Variants in BMP7 observed in about 807,000 individuals in gnomAD.
The protein encoded by BMP7 is bone morphogenetic protein 7.
A neutral mutation model predicts 41.2 loss-of-function variants in BMP7; 12 were observed. The observed-to-expected ratio is 0.29, with a 90% CI of 0.19 to 0.47. The LOEUF (loss-of-function observed/expected upper bound fraction) is 0.47, where lower values mean the gene tolerates loss of function less well. Among genes scored for constraint, BMP7 ranks in the 20% least tolerant of loss-of-function variants. BMP7 has a pLI of 0.99. For missense variants in BMP7, 467 were observed against 606.0 expected, an observed-to-expected ratio of 0.77 and a Z score of 2.41; for synonymous variants, 248 against 250.0, an observed-to-expected ratio of 0.99 and a Z score of 0.07.
At chr20:57,233,482 T>C (rs113856080) in intron 1 of BMP7, among the ~76,000 whole-genome samples, 143 of 152,272 alleles carry the variant, frequency 9.4e-4, no homozygotes, top group Non-Finnish European at 1.7e-3. Flanking sequence ...GAGGGGAAAT[T>C]CTGGGCTGGA....
At chr20:57,244,552 C>T (rs1212070241) in intron 1 of BMP7, among the ~76,000 whole-genome samples, 3 of 152,246 alleles carry the variant, frequency 2.0e-5, no homozygotes, top group African/African-American at 4.8e-5. Context: ...CACACGCAGG[C>T]TCTGCCAATC....
rs1317323734 is a variant in BMP7, at chr20:57,169,809, T to C, written c.*1150A>G. The C allele has an allele frequency of 1.3e-5, 2 of 151,930 alleles. No individual in the cohort carries two copies. Among genetic ancestry groups the C allele is most frequent in the African/African-American group, 4.8e-5 (2 of 41,308 alleles). The allele number at this position is 151,930 out of a possible 1,614,324, so 9.4% of individuals were successfully genotyped here. ...TCTTGTTTTGTCACCCAAGCTGGAG[T>C]GCAGTGGGACGATCTTGGCTCACTG... On this transcript the variant is annotated 3_prime_UTR_variant, in exon 7 of 7. Transcript: ENST00000395863.
intron 3 of BMP7, among the ~76,000 whole-genome samples, chr20:57,185,506 GA>G (rs1184018134): frequency 6.6e-6 from 1 of 152,264 alleles, no homozygotes; most frequent in Non-Finnish European, 1.5e-5. Flanking sequence ...CCAAGGTAGG[GA>G]AACTGAGGCA....
rs1040880106 is a variant in BMP7 at position 57,213,851 on chromosome 20, G to A, written c.612-11228C>T. ...CTCTGTCCATCAGGTTCTTTTGTTT[G>A]TAAAATGGAGGTAGCCATGAGGATT... On this transcript the variant is annotated intron_variant, in intron 2 of 6. Transcript: ENST00000395863. This position sits in a 1 kb window ranked among gnomAD's most constrained non-coding sequence, Gnocchi z 4.4. Among the ~76,000 whole-genome samples, 2 of 152,174 alleles carry A rather than the reference G, an allele frequency of 1.3e-5. No homozygotes were observed. Among genetic ancestry groups the A allele is most frequent in the Admixed American group, 6.5e-5 (1 of 15,274 alleles).
rs147500048 is a variant in BMP7, at chr20:57,169,240, G to C, written c.*1719C>G. ...GCCCCGGTGTTTCCAGGAACTGTCT[G>C]AGTCAAGATGGAGAAACAGTCCCCC... is the stretch of plus-strand genomic sequence containing the variant. On this transcript the variant is annotated 3_prime_UTR_variant, in exon 7 of 7. Coordinates refer to ENST00000395863, the MANE Select transcript of BMP7 (RefSeq NM_001719.3). The C allele has an allele frequency of 4.6e-5, 7 of 152,250 alleles. No individual in the cohort carries two copies. Among genetic ancestry groups the C allele is most frequent in the African/African-American group, 1.7e-4 (7 of 41,464 alleles). 9.4% of individuals were successfully genotyped at this position (152,250 alleles called of 1,614,324 possible). A position where few individuals can be genotyped will look rare whatever the true frequency, so the allele number is the denominator to read the frequency against.
chr20:57,203,295 T>G (rs1222334358), intron 2 of BMP7, among the ~76,000 whole-genome samples: 1 of 152,200 alleles, frequency 6.6e-6, no homozygotes, highest in African/African-American at 2.4e-5. Flanking sequence ...TCTTCCTTAC[T>G]TTTTACAGTA....
Position 57,265,779 on chromosome 20 carries a change from C to A in BMP7, c.344G>T (p.Gly115Val). The change falls in exon 1 of 7, where the codon GGC becomes GTC. Residue 115 changes from glycine (G) to valine (V), a missense_variant. This residue lies in a region of BMP7 where 407 missense variants were observed against 485.9 expected (regional missense o/e 0.84). Coordinates refer to ENST00000395863, the MANE Select transcript of BMP7 (RefSeq NM_001719.3). ...YPYKAVFSTQ[G>V]PPLASLQDSH... ...ATCTTGCAGGCTGGCCAGAGGGGGG[C>A]CCTGGGTACTGAAGACGGCCTTGTA... is the stretch of plus-strand genomic sequence containing the variant. 1 of 1,610,540 alleles carries A rather than the reference C, an allele frequency of 6.2e-7. No individual in the cohort carries two copies. Among genetic ancestry groups the A allele is most frequent in the South Asian group, 1.1e-5 (1 of 90,132 alleles).
At chr20:57,195,804 G>A (rs1484182889) in intron 3 of BMP7, among the ~76,000 whole-genome samples, 1 of 152,232 alleles carries the variant, frequency 6.6e-6, no homozygotes, top group East Asian at 1.9e-4. Context: ...GTGCTCTCGT[G>A]TGTCACAGGA....
chr20:57,228,146 C>T lies in BMP7; in HGVS notation c.611+83G>A. The T allele has an allele frequency of 1.3e-6, 2 of 1,492,548 alleles. No homozygotes were observed. Among genetic ancestry groups the T allele is most frequent in the Non-Finnish European group, 1.9e-6 (2 of 1,072,414 alleles). The allele number at this position is 1,492,548 out of a possible 1,614,324, so 92.5% of individuals were successfully genotyped here. A position where few individuals can be genotyped will look rare whatever the true frequency, so the allele number is the denominator to read the frequency against. On this transcript the variant is annotated intron_variant, in intron 2 of 6. Transcript: ENST00000395863. This position sits in a 1 kb window ranked among gnomAD's most constrained non-coding sequence, Gnocchi z 4.5. ...CTGGCACGTGGTTGTGCCAATCTGACCCATCCTCTGGCCCTCACCACCTTC... is the reference window on the plus strand; with the variant it reads ...CTGGCACGTGGTTGTGCCAATCTGATCCATCCTCTGGCCCTCACCACCTTC...
chr20:57,208,304 T>C (rs949847383), intron 2 of BMP7, among the ~76,000 whole-genome samples: 7 of 152,206 alleles, frequency 4.6e-5, no homozygotes, highest in African/African-American at 9.7e-5. Flanking sequence ...CTAAAGAAGA[T>C]GCACAAATGG....
At chr20:57,250,898 C>T (rs970189381) in intron 1 of BMP7, among the ~76,000 whole-genome samples, 13 of 152,220 alleles carry the variant, frequency 8.5e-5, no homozygotes, top group Non-Finnish European at 1.6e-4. Flanking sequence ...CAGTCGACAC[C>T]GACAAGCCTC....
At chr20:57,239,031 C>G (rs2066059031) in intron 1 of BMP7, among the ~76,000 whole-genome samples, 1 of 152,144 alleles carries the variant, frequency 6.6e-6, no homozygotes, top group South Asian at 2.1e-4. Context: ...CTCATATCCT[C>G]ACATTTCAAA....
Position 57,182,252 on chromosome 20 carries a change from G to T in BMP7, c.958+1470C>A, listed in dbSNP as rs1984101236. ...CATGAGCCAGGCAAGGGGTGTGGGA[G>T]GGCTGTCCACAGATGCCCACAGTGC... On this transcript the variant is annotated intron_variant, in intron 4 of 6. Transcript: ENST00000395863. Among the ~76,000 whole-genome samples, 3 of 152,174 alleles carry T rather than the reference G, an allele frequency of 2.0e-5. No individual in the cohort carries two copies. In the South Asian group the frequency reaches 6.2e-4, roughly 31 times the overall value.
At chr20:57,178,193 T>C (rs894216697) in intron 4 of BMP7, among the ~76,000 whole-genome samples, 1 of 152,170 alleles carries the variant, frequency 6.6e-6, no homozygotes, top group Non-Finnish European at 1.5e-5. Context: ...CATTCCTGCA[T>C]GACGATGCTG....
rs544588685 is a variant in BMP7 at position 57,261,116 on chromosome 20, C to T, written c.418+4589G>A. 3.3e-5 allele frequency among the ~76,000 whole-genome samples: 5 copies of T among 152,270 alleles called. No homozygotes were observed. Among genetic ancestry groups the T allele is most frequent in the South Asian group, 2.1e-4 (1 of 4,810 alleles). On this transcript the variant is annotated intron_variant, in intron 1 of 6. Transcript: ENST00000395863. This position sits in a 1 kb window ranked among gnomAD's most constrained non-coding sequence, Gnocchi z 4.1. The stretch of plus-strand genomic sequence containing the variant: ...AGTCACCAGTTGTCTCTGAGTTCAG[C>T]GGACACGTGATATTCACTCACATCG...
At chr20:57,236,606 G>C (rs1410231364) in intron 1 of BMP7, among the ~76,000 whole-genome samples, 2 of 152,124 alleles carry the variant, frequency 1.3e-5, no homozygotes, top group Non-Finnish European at 2.9e-5. Flanking sequence ...TCCAAAGGAA[G>C]GGAAGGACCA....
In BMP7 at chr20:57,261,203, A is replaced by C. The variant is rs997770709; in HGVS notation, c.418+4502T>G. 1.3e-5 allele frequency among the ~76,000 whole-genome samples: 2 copies of C among 152,072 alleles called. No individual in the cohort carries two copies. Among genetic ancestry groups the C allele is most frequent in the African/African-American group, 4.8e-5 (2 of 41,404 alleles). On this transcript the variant is annotated intron_variant, in intron 1 of 6. Coordinates refer to ENST00000395863, the MANE Select transcript of BMP7 (RefSeq NM_001719.3). The surrounding 1 kb of genome is among the most constrained non-coding windows in gnomAD (Gnocchi z 4.1). ...GTGTTTATCTCGGCAAAGGCTTGAG[A>C]GCCTACTACGCCATGGTAAAGCCCC...
intron 2 of BMP7, among the ~76,000 whole-genome samples, chr20:57,212,108 C>T (rs1258636145): frequency 6.6e-6 from 1 of 152,118 alleles, no homozygotes; most frequent in Non-Finnish European, 1.5e-5. Context: ...GTCATTCAAA[C>T]CCTAATTAAG....
At chr20:57,225,177 A>G (rs1237893166) in intron 2 of BMP7, among the ~76,000 whole-genome samples, 2 of 152,198 alleles carry the variant, frequency 1.3e-5, no homozygotes, top group African/African-American at 4.8e-5. Context: ...GGTTGGGGAC[A>G]TGCAACCAGG....
Sources: allele counts gnomAD v4.1 joint callset (sites outside exome capture counted in the v4.1 genomes callset), GRCh38; gene constraint gnomAD v4.1.1; regional missense constraint gnomAD v4.1.1; non-coding constraint Gnocchi (gnomAD v3.1); transcripts MANE v1.5; gene names NCBI Gene and HGNC (gene_info 2026-07-23, HGNC 2026-07-21).